GNPTAB: variants seen among roughly 807,000 people sequenced by gnomAD.
GNPTAB encodes the protein N-acetylglucosamine-1-phosphate transferase subunits alpha and beta.
GNPTAB carries 92 observed loss-of-function variants against 136.6 expected under a neutral mutation model. That is an observed-to-expected ratio of 0.67 (90% CI 0.57 to 0.80). GNPTAB has a LOEUF of 0.80. Ranked by LOEUF, GNPTAB falls within the 30% of genes least tolerant of loss-of-function variation. The pLI, the probability that GNPTAB is intolerant of heterozygous loss-of-function variation, is 0.00. For synonymous variants in GNPTAB, 512 were observed against 535.1 expected (o/e 0.96, Z 0.60); for missense variants, 1,343 against 1,501.8 (o/e 0.89, Z 1.75).
intron 1 of GNPTAB, among the ~76,000 whole-genome samples, chr12:101,807,254 A>C (rs1329379954): frequency 6.6e-6 from 1 of 152,214 alleles, no homozygotes; most frequent in Non-Finnish European, 1.5e-5. Context: ...AATGTTCAGC[A>C]AACTAGGAAT....
Position 101,780,194 on chromosome 12 carries a change from T to C in GNPTAB, c.729A>G (p.Leu243=), listed in dbSNP as rs1418103734. The C allele has an allele frequency of 6.2e-7, 1 of 1,613,940 alleles. No individual in the cohort carries two copies. Among genetic ancestry groups the C allele is most frequent in the Middle Eastern group, 1.6e-4 (1 of 6,062 alleles). The part of the protein sequence containing the change: ...FPPTFKETNQ[L]KTKLPENLSS... Reference sequence around the variant, plus strand: ...AAAGATTTTCTGGCAATTTTGTTTTTAGTTGATTTGTTTCCTTGAATGTTG... The same window carrying C: ...AAAGATTTTCTGGCAATTTTGTTTTCAGTTGATTTGTTTCCTTGAATGTTG... The change falls in exon 7 of 21, where the codon CTA becomes CTG. Residue 243 remains leucine (L), a synonymous_variant. Coordinates refer to ENST00000299314, the MANE Select transcript of GNPTAB (RefSeq NM_024312.5).
chr12:101,787,913 C>CAA (rs34261197), intron 4 of GNPTAB, among the ~76,000 whole-genome samples: 34,875 of 126,572 alleles, frequency 0.28, 5,872 homozygotes, highest in East Asian at 0.49. Flanking sequence ...AACTCCGTCT[C>CAA]AAAAAAAAAA....
At chr12:101,767,970 G>A (rs1349342511) in intron 11 of GNPTAB, 67 bp downstream of exon 11, 1 of 1,504,788 alleles carries the variant, frequency 6.6e-7, no homozygotes, top group Non-Finnish European at 9.3e-7. Flanking sequence ...TATAGCACAT[G>A]TTCAATAATG....
At chr12:101,789,914 T>C (rs1187062191) in intron 3 of GNPTAB, 24 bp downstream of exon 3, 1 of 1,611,380 alleles carries the variant, frequency 6.2e-7, no homozygotes, top group Non-Finnish European at 8.5e-7. Context: ...ACCCATCTGA[T>C]GTGAAAAAAA....
At chr12:101,810,412 T>TAC (rs1412757582) in intron 1 of GNPTAB, 9 of 134,222 alleles carry the variant, frequency 6.7e-5, no homozygotes, top group East Asian at 2.1e-4. Context: ...TATATATATA[T>TAC]ATATATATAT....
intron 19 of GNPTAB, among the ~76,000 whole-genome samples, chr12:101,750,041 A>T (rs565818996): frequency 3.8e-4 from 58 of 152,360 alleles, no homozygotes; most frequent in African/African-American, 1.3e-3. Flanking sequence ...CAGGCATGAA[A>T]GGAAGCAGTG....
rs538099579 is a variant in GNPTAB at position 101,749,470 on chromosome 12, C to G, written c.3603-279G>C. 2.1e-4 allele frequency among the ~76,000 whole-genome samples: 32 copies of G among 152,304 alleles called. No individual in the cohort carries two copies. The South Asian group carries it at 6.4e-3, about 31-fold the overall frequency. On this transcript the variant is annotated intron_variant, in intron 19 of 20. Transcript: ENST00000299314. ...TGGCACTTAAACAAAACCACTCTTT[C>G]ATTCATTTTTATTCACTCATACTTA...
In GNPTAB at chr12:101,790,855, C is replaced by A. The variant is rs77417999; in HGVS notation, c.204-798G>T. Among the ~76,000 whole-genome samples, 7 of 151,748 alleles carry A rather than the reference C, an allele frequency of 4.6e-5. No individual in the cohort carries two copies. In the East Asian group the frequency reaches 1.4e-3, roughly 29 times the overall value. ...GCCTTGCTCCCCCGCAAGCCTGCAC[C>A]CTCCCCAGCCTCACCTCTGCTTTTC... is the stretch of plus-strand genomic sequence containing the variant. On this transcript the variant is annotated intron_variant, in intron 2 of 20. Transcript: ENST00000299314.
At chr12:101,799,894 G>C (rs1869515270) in intron 1 of GNPTAB, among the ~76,000 whole-genome samples, 1 of 152,110 alleles carries the variant, frequency 6.6e-6, no homozygotes, top group South Asian at 2.1e-4. Flanking sequence ...GGGGCATAAA[G>C]ATCTTTAATG....
chr12:101,789,934 T>A lies in GNPTAB; in HGVS notation c.323+4A>T. 1 of 1,614,148 alleles carries A rather than the reference T, an allele frequency of 6.2e-7. No individual in the cohort carries two copies. The highest frequency in any genetic ancestry group is 8.5e-7 in the Non-Finnish European group (1 of 1,179,962). On this transcript the variant is annotated splice_donor_region_variant and intron_variant, in intron 3 of 20. Transcript: ENST00000299314. ...TCTGATGTGAAAAAAAAAATCAGTT[T>A]TACCTCATTGCTTTCTGCTCCTCCT... is the stretch of plus-strand genomic sequence containing the variant.
chr12:101,826,950 G>GTTTT lies in GNPTAB; in HGVS notation c.117+3605_117+3608dup, dbSNP rs902178707. On this transcript the variant is annotated intron_variant, in intron 1 of 20. Transcript: ENST00000299314. ...TCTGAAGGCTCTCCCTGTGGGAGTT[G>GTTTT]TTTTTTTTTTTTTTTTTTTTTTTTT... 6.1e-4 allele frequency among the ~76,000 whole-genome samples: 38 copies of GTTTT among 62,358 alleles called. 3 individuals carry two copies. Among genetic ancestry groups the GTTTT allele is most frequent in the Non-Finnish European group, 9.1e-4 (30 of 33,132 alleles). 40.9% of individuals were successfully genotyped at this position (62,358 alleles called of 152,430 possible). A position where few individuals can be genotyped will look rare whatever the true frequency, so the allele number is the denominator to read the frequency against.
chr12:101,787,761 A>G (rs1027561782), intron 4 of GNPTAB, among the ~76,000 whole-genome samples: 14 of 152,070 alleles, frequency 9.2e-5, no homozygotes, highest in Non-Finnish European at 1.6e-4. Context: ...TAAAAATACA[A>G]AATTAGTCAG....
chr12:101,799,948 A>G (rs528416909), intron 1 of GNPTAB, among the ~76,000 whole-genome samples: 3 of 152,356 alleles, frequency 2.0e-5, no homozygotes, highest in African/African-American at 2.4e-5. Flanking sequence ...CCAACGTTGT[A>G]GAAGAGAACC....
rs755785958 is a variant in GNPTAB at position 101,761,620 on chromosome 12, G to A, written c.2859C>T (p.Val953=). The change falls in exon 14 of 21, where the codon GTC becomes GTT. Residue 953 remains valine, a synonymous_variant. Coordinates refer to ENST00000299314, the MANE Select transcript of GNPTAB (RefSeq NM_024312.5). ...NSKFGFTSRK[V]PAHMPHMIDR... ...CAATCATGTGAGGCATGTGAGCAGG[G>A]ACTTTCCGCGATGTGAATCCAAACT... 1 of 1,614,038 alleles carries A rather than the reference G, an allele frequency of 6.2e-7. No homozygotes were observed. The highest frequency in any genetic ancestry group is 1.3e-5 in the African/African-American group (1 of 74,936).
At chr12:101,787,654 C>T (rs1410798104) in intron 4 of GNPTAB, among the ~76,000 whole-genome samples, 1 of 152,040 alleles carries the variant, frequency 6.6e-6, no homozygotes, top group African/African-American at 2.4e-5. Flanking sequence ...GTGACTCACG[C>T]CTGTAATCCA....
At chr12:101,813,060 T>C (rs1870323494) in intron 1 of GNPTAB, among the ~76,000 whole-genome samples, 1 of 151,716 alleles carries the variant, frequency 6.6e-6, no homozygotes, top group South Asian at 2.1e-4. Flanking sequence ...CTTGAACTCC[T>C]GGACTCAAGT....
At chr12:101,797,547 C>T (rs1213815223) in intron 1 of GNPTAB, among the ~76,000 whole-genome samples, 4 of 152,146 alleles carry the variant, frequency 2.6e-5, no homozygotes, top group African/African-American at 9.7e-5. Context: ...TTGCTTGAAC[C>T]TGGGAGGCAT....
intron 1 of GNPTAB, among the ~76,000 whole-genome samples, chr12:101,802,566 T>C (rs984268284): frequency 2.6e-5 from 4 of 151,316 alleles, no homozygotes; most frequent in African/African-American, 7.3e-5. Context: ...GTCAAAGGCA[T>C]AGAAGGAAAA....
intron 19 of GNPTAB, among the ~76,000 whole-genome samples, chr12:101,752,532 T>G (rs1469302848): frequency 1.3e-5 from 2 of 152,232 alleles, no homozygotes; most frequent in East Asian, 3.8e-4. Context: ...AAGTACTGAA[T>G]GAAATGGCTC....
Sources: gnomAD v4.1 joint callset for allele counts (sites outside exome capture counted in the v4.1 genomes callset) on GRCh38, gnomAD v4.1.1 for gene constraint, MANE v1.5 for transcripts, NCBI Gene and HGNC (gene_info 2026-07-23, HGNC 2026-07-21) for gene names.